The following CNTNAP5 variants were observed in gnomAD, a reference collection of about 807,000 sequenced individuals.
The protein encoded by CNTNAP5 is contactin associated protein family member 5.
Under a neutral mutation model 150.2 loss-of-function variants are expected in CNTNAP5, and 72 were observed. The observed-to-expected ratio is 0.48, with a 90% confidence interval of 0.40 to 0.58. CNTNAP5 has a LOEUF of 0.58. Among genes scored for constraint, CNTNAP5 ranks in the 20% least tolerant of loss-of-function variants. The pLI is 0.00. For synonymous variants in CNTNAP5, 672 were observed against 619.8 expected, an observed-to-expected ratio of 1.08 and a Z score of -1.25; for missense variants, 1,636 against 1,626.2, an observed-to-expected ratio of 1.01 and a Z score of -0.10.
At chr2:124,513,469 C>T (rs1317538760) in intron 8 of CNTNAP5, among the ~76,000 whole-genome samples, 1 of 152,152 alleles carries the variant, frequency 6.6e-6, no homozygotes, top group Non-Finnish European at 1.5e-5. Flanking sequence ...TTGACCAATG[C>T]CCTTCTCATC....
At chr2:124,665,206 A>G (rs1678673645) in intron 13 of CNTNAP5, among the ~76,000 whole-genome samples, 1 of 152,224 alleles carries the variant, frequency 6.6e-6, no homozygotes, top group South Asian at 2.1e-4. Context: ...TCTTCTATCT[A>G]CTATAAAGTG....
intron 14 of CNTNAP5, among the ~76,000 whole-genome samples, chr2:124,753,631 T>C (rs935396999): frequency 1.3e-5 from 2 of 152,238 alleles, no homozygotes; most frequent in Non-Finnish European, 2.9e-5. Flanking sequence ...TTCATGTTAT[T>C]GAAAAGGGCA....
intron 3 of CNTNAP5, among the ~76,000 whole-genome samples, chr2:124,382,341 A>C (rs1371745990): frequency 6.6e-6 from 1 of 152,098 alleles, no homozygotes; most frequent in East Asian, 1.9e-4. Flanking sequence ...AATATGAGGA[A>C]GTCATCAGCT....
At position 124,713,167 on chromosome 2, in the gene CNTNAP5, C is replaced by CCTCCCT. The variant is rs1553434344; in HGVS notation, c.2078-34059_2078-34058insCCTCTC. Among the ~76,000 whole-genome samples the CCTCCCT allele has an allele frequency of 3.8e-4, 52 of 137,536 alleles. 5 individuals are homozygous for CCTCCCT. Among genetic ancestry groups the CCTCCCT allele is most frequent in the African/African-American group, 1.4e-3 (50 of 36,112 alleles). The allele number at this position is 137,536 out of a possible 152,430, so 90.2% of individuals were successfully genotyped here. On this transcript the variant is annotated intron_variant, in intron 13 of 23. Coordinates refer to ENST00000682447, the MANE Select transcript of CNTNAP5 (RefSeq NM_001367498.1). ...TCCTTCCTTCCTTCCTCCCTCCCTC[C>CCTCCCT]CTCTCTCTTTTCCTCCTTCCTTCCT... is the stretch of plus-strand genomic sequence containing the variant.
intron 13 of CNTNAP5, among the ~76,000 whole-genome samples, chr2:124,656,231 G>A (rs772723438): frequency 2.0e-5 from 3 of 152,198 alleles, no homozygotes; most frequent in South Asian, 4.1e-4. Context: ...TGAATACAGG[G>A]CAGAGTCGAG....
chr2:124,654,372 G>T (rs957288752), intron 13 of CNTNAP5, among the ~76,000 whole-genome samples: 1 of 152,140 alleles, frequency 6.6e-6, no homozygotes, highest in Admixed American at 6.5e-5. Context: ...TGAATAATTT[G>T]CTAAGCACAT....
At chr2:124,194,698 T>G (rs566315470) in intron 1 of CNTNAP5, among the ~76,000 whole-genome samples, 1 of 150,438 alleles carries the variant, frequency 6.6e-6, no homozygotes, top group Non-Finnish European at 1.5e-5. Flanking sequence ...GTAATTATAA[T>G]CATATAACAT....
At chr2:124,038,607 T>C (rs1342286052) in intron 1 of CNTNAP5, among the ~76,000 whole-genome samples, 2 of 152,228 alleles carry the variant, frequency 1.3e-5, no homozygotes, top group African/African-American at 4.8e-5. Context: ...AAATTTTGTT[T>C]TAAAAGCAGA....
At chr2:124,113,232 G>T (rs980394881) in intron 1 of CNTNAP5, among the ~76,000 whole-genome samples, 10 of 152,182 alleles carry the variant, frequency 6.6e-5, no homozygotes, top group African/African-American at 2.4e-4. Context: ...CCAAATGAAT[G>T]TCAGAAGTAA....
chr2:124,670,294 T>C (rs1169293523), intron 13 of CNTNAP5, among the ~76,000 whole-genome samples: 2 of 151,926 alleles, frequency 1.3e-5, no homozygotes, highest in African/African-American at 4.8e-5. Context: ...TATGTCATTG[T>C]GGTTTTGATT....
chr2:124,600,749 GAGAGAGAGAGAGAGAGAGAA>G lies in CNTNAP5; in HGVS notation c.1757-9042_1757-9023del, dbSNP rs1432100640. 3.2e-4 allele frequency among the ~76,000 whole-genome samples: 41 copies of G among 129,828 alleles called. No individual in the cohort carries two copies. The East Asian group carries it at 6.1e-3, about 19-fold the overall frequency. The allele number at this position is 129,828 out of a possible 152,430, so 85.2% of individuals were successfully genotyped here. A position where few individuals can be genotyped will look rare whatever the true frequency, so the allele number is the denominator to read the frequency against. On this transcript the variant is annotated intron_variant, in intron 11 of 23. Coordinates refer to ENST00000682447, the MANE Select transcript of CNTNAP5 (RefSeq NM_001367498.1). ...CAATACTCAGAGAGAGAGAGAGAGAGAGAGAGAGAGAGAGAGAGAAAGAGAGAGAAAGAGAGAAGCAAAAA... is the reference window on the plus strand; with the variant it reads ...CAATACTCAGAGAGAGAGAGAGAGAGAGAGAGAGAAAGAGAGAAGCAAAAA...
At chr2:124,657,193 T>C (rs999777580) in intron 13 of CNTNAP5, among the ~76,000 whole-genome samples, 1 of 152,174 alleles carries the variant, frequency 6.6e-6, no homozygotes, top group African/African-American at 2.4e-5. Context: ...ACACCTACTT[T>C]CTAAATTGCA....
chr2:124,196,580 T>C (rs1406265370), intron 1 of CNTNAP5, among the ~76,000 whole-genome samples: 2 of 152,148 alleles, frequency 1.3e-5, no homozygotes, highest in African/African-American at 4.8e-5. Context: ...GCTACAAAAG[T>C]ATAACGTATC....
Position 124,811,713 on chromosome 2 carries a change from G to GC in CNTNAP5, c.3217+13393_3217+13394insC, listed in dbSNP as rs1055501728. ...TCCCATCACTTTAGGAGGCGGGGGG[G>GC]GTGGATCACCTGAAATCAGGAGTTC... On this transcript the variant is annotated intron_variant, in intron 19 of 23. Coordinates refer to ENST00000682447, the MANE Select transcript of CNTNAP5 (RefSeq NM_001367498.1). Among the ~76,000 whole-genome samples the GC allele has an allele frequency of 1.3e-5, 2 of 149,884 alleles. 1 individual carries two copies. Among genetic ancestry groups the GC allele is most frequent in the African/African-American group, 4.9e-5 (2 of 40,574 alleles).
intron 1 of CNTNAP5, among the ~76,000 whole-genome samples, chr2:124,173,707 A>G (rs1583718): frequency 0.77 from 117,770 of 152,194 alleles, 46,196 homozygotes; most frequent in Non-Finnish European, 0.8. Context: ...AGTGCAAAGT[A>G]AAGCAGTAAG....
chr2:124,741,551 A>G (rs1242162126), intron 13 of CNTNAP5, among the ~76,000 whole-genome samples: 1 of 152,054 alleles, frequency 6.6e-6, no homozygotes, highest in African/African-American at 2.4e-5. Flanking sequence ...TGAACTAATC[A>G]TGTACAAATT....
intron 21 of CNTNAP5, among the ~76,000 whole-genome samples, chr2:124,894,141 G>A (rs1410408614): frequency 6.6e-6 from 1 of 151,506 alleles, no homozygotes; most frequent in East Asian, 1.9e-4. Context: ...CAAGAGTGCT[G>A]TTACTTGTTT....
intron 3 of CNTNAP5, among the ~76,000 whole-genome samples, chr2:124,247,813 T>G (rs1378715052): frequency 2.0e-5 from 3 of 152,166 alleles, no homozygotes; most frequent in Non-Finnish European, 4.4e-5. Flanking sequence ...ACATTATTAT[T>G]TATTAGCCAT....
At chr2:124,893,460 T>G (rs1325984473) in intron 21 of CNTNAP5, among the ~76,000 whole-genome samples, 1 of 152,150 alleles carries the variant, frequency 6.6e-6, no homozygotes, top group East Asian at 1.9e-4. Context: ...CCTTTAAAAT[T>G]TGTCATCAAA....
Sources: allele counts gnomAD v4.1 joint callset (sites outside exome capture counted in the v4.1 genomes callset), GRCh38; gene constraint gnomAD v4.1.1; transcripts MANE v1.5; gene names NCBI Gene and HGNC (gene_info 2026-07-23, HGNC 2026-07-21).